Variants in ELAPOR1 observed in about 807,000 individuals in gnomAD.
ELAPOR1 encodes endosome/lysosome-associated apoptosis and autophagy regulator 1.
In ELAPOR1, 77 loss-of-function variants were observed where a neutral mutation model predicts 119.7. That is an observed-to-expected ratio of 0.64 (90% confidence interval 0.54 to 0.78). The LOEUF (loss-of-function observed/expected upper bound fraction) is 0.78, where lower values mean the gene tolerates loss of function less well. Among genes scored for constraint, ELAPOR1 ranks in the 30% least tolerant of loss-of-function variants. The probability of loss-of-function intolerance (pLI) is 0.00; values close to 1 mark genes in which losing one functional copy is unlikely to be tolerated. For synonymous variants in ELAPOR1, 481 were observed against 487.2 expected, an observed-to-expected ratio of 0.99 and a Z score of 0.17; for missense variants, 1,115 against 1,270.4, an observed-to-expected ratio of 0.88 and a Z score of 1.86.
chr1:109,181,218 A>G (rs1652674980), intron 7 of ELAPOR1, among the ~76,000 whole-genome samples: 1 of 152,220 alleles, frequency 6.6e-6, no homozygotes, highest in Non-Finnish European at 1.5e-5. Context: ...TTACTTTGAT[A>G]AAACAGATCC....
In ELAPOR1 at chr1:109,178,891, G is replaced by A. The variant is rs182669928; in HGVS notation, c.952+5054G>A. On this transcript the variant is annotated intron_variant, in intron 7 of 21. Transcript: ENST00000369939. ...GAGGCAGAAGAATCACTTGAACCTG[G>A]GAGGTGGAGGCTGCAGTGAACCAAG... Among the ~76,000 whole-genome samples the A allele has an allele frequency of 5.1e-3, 777 of 152,026 alleles. 8 individuals carry two copies. The highest frequency in any genetic ancestry group is 0.018 in the African/African-American group (744 of 41,412).
At chr1:109,165,268 A>G (rs1452154312) in intron 3 of ELAPOR1, among the ~76,000 whole-genome samples, 3 of 152,058 alleles carry the variant, frequency 2.0e-5, no homozygotes, top group Non-Finnish European at 4.4e-5. Flanking sequence ...CCCCTGGATA[A>G]CAGAGCAAGA....
At chr1:109,168,924 C>T (rs1651758992) in intron 3 of ELAPOR1, among the ~76,000 whole-genome samples, 4 of 152,012 alleles carry the variant, frequency 2.6e-5, no homozygotes, top group Admixed American at 6.6e-5. Context: ...ATGTCTTCAC[C>T]GGGGGCAATT....
chr1:109,171,995 C>G lies in ELAPOR1; in HGVS notation c.597C>G (p.Ser199Arg). 6.2e-7 allele frequency: 1 copy of G among 1,614,216 alleles called. No homozygotes were observed. The highest frequency in any genetic ancestry group is 8.5e-7 in the Non-Finnish European group (1 of 1,180,034). Reference protein sequence around the residue: ...VNFEYYYPDSSIIFEFFVQND... With the variant: ...VNFEYYYPDSRIIFEFFVQND... ...TCGAATACTACTATCCAGACTCCAG[C>G]ATCATCTTTGAGTTTTTCGTAAGCC... Residue 199 changes from serine to arginine, a missense_variant, in exon 4 of 22, where the codon AGC becomes AGG. Transcript: ENST00000369939.
At chr1:109,144,743 A>G (rs1161823870) in intron 1 of ELAPOR1, among the ~76,000 whole-genome samples, 2 of 152,222 alleles carry the variant, frequency 1.3e-5, no homozygotes, top group Admixed American at 6.5e-5. Flanking sequence ...ACTCCATCTC[A>G]ATAAAAAAAA....
chr1:109,175,593 G>A (rs1477458651), intron 7 of ELAPOR1, among the ~76,000 whole-genome samples: 25 of 150,240 alleles, frequency 1.7e-4, no homozygotes, highest in African/African-American at 5.8e-4. Flanking sequence ...TTGGGAGGCC[G>A]AGGCAGGCAG....
intron 1 of ELAPOR1, among the ~76,000 whole-genome samples, chr1:109,153,459 T>G (rs1009056818): frequency 1.3e-5 from 2 of 152,196 alleles, no homozygotes; most frequent in African/African-American, 4.8e-5. Flanking sequence ...GGGAAAGTGC[T>G]TTTGACCTAA....
At chr1:109,194,971 G>A (rs536902398) in intron 15 of ELAPOR1, among the ~76,000 whole-genome samples, 28 of 152,160 alleles carry the variant, frequency 1.8e-4, no homozygotes, top group Admixed American at 5.9e-4. Flanking sequence ...TTAGCTGGGC[G>A]TGGTGGTGCA....
chr1:109,125,436 G>T (rs771299445), intron 1 of ELAPOR1, among the ~76,000 whole-genome samples: 1 of 150,138 alleles, frequency 6.7e-6, no homozygotes, highest in African/African-American at 2.5e-5. Context: ...TTGCTCCGTC[G>T]CCAGGCTGTA....
chr1:109,151,872 C>CTTT (rs550341597), intron 1 of ELAPOR1, among the ~76,000 whole-genome samples: 2 of 121,164 alleles, frequency 1.7e-5, no homozygotes, highest in African/African-American at 6.1e-5. Flanking sequence ...CAGCCTCATC[C>CTTT]TTTTTTTTTT....
chr1:109,175,051 G>A (rs573911894), intron 7 of ELAPOR1, among the ~76,000 whole-genome samples: 9 of 151,750 alleles, frequency 5.9e-5, no homozygotes, highest in African/African-American at 1.7e-4. Flanking sequence ...GTAGAAACAC[G>A]GTCTCACTGT....
At chr1:109,185,216 G>A in intron 8 of ELAPOR1, 83 bp downstream of exon 8, 1 of 1,064,170 alleles carries the variant, frequency 9.4e-7, no homozygotes, top group East Asian at 2.4e-5. Flanking sequence ...TGGAACTTCA[G>A]CAGTCAATGA....
At chr1:109,139,301 A>G (rs1649682080) in intron 1 of ELAPOR1, among the ~76,000 whole-genome samples, 1 of 152,192 alleles carries the variant, frequency 6.6e-6, no homozygotes, top group African/African-American at 2.4e-5. Flanking sequence ...TGATCACACC[A>G]CTGCACTCCA....
chr1:109,191,309 C>A (rs866617091), intron 11 of ELAPOR1, 57 bp from the exon 12 acceptor site: 8 of 1,204,298 alleles, frequency 6.6e-6, no homozygotes, highest in Admixed American at 1.7e-5. Flanking sequence ...GTTGTCTGGG[C>A]TCTTCAATAA....
intron 1 of ELAPOR1, among the ~76,000 whole-genome samples, chr1:109,154,525 C>G (rs1252185872): frequency 2.0e-5 from 3 of 152,128 alleles, no homozygotes; most frequent in Non-Finnish European, 4.4e-5. Context: ...ACCACTAGCC[C>G]TCGTATCCCC....
intron 1 of ELAPOR1, among the ~76,000 whole-genome samples, chr1:109,144,614 TGC>T (rs1206448896): frequency 1.3e-5 from 2 of 152,010 alleles, no homozygotes; most frequent in Non-Finnish European, 2.9e-5. Context: ...TGGCGGCATA[TGC>T]CAGTAATCCC....
At chr1:109,122,409 A>G (rs917656811) in intron 1 of ELAPOR1, among the ~76,000 whole-genome samples, 6 of 150,616 alleles carry the variant, frequency 4.0e-5, no homozygotes, top group Non-Finnish European at 1.5e-5. Flanking sequence ...CGGTAATCCC[A>G]GTACTTTGGG....
In ELAPOR1 at chr1:109,144,061, A is replaced by ATATATATTTTTTTTTTTTT; in HGVS notation, c.154-17832_154-17831insATATATTTTTTTTTTTTTT. Among the ~76,000 whole-genome samples, 7 of 88,988 alleles carry ATATATATTTTTTTTTTTTT rather than the reference A, an allele frequency of 7.9e-5. 1 individual carries two copies. Among genetic ancestry groups the ATATATATTTTTTTTTTTTT allele is most frequent in the Admixed American group, 2.6e-4 (2 of 7,816 alleles). 58.4% of individuals were successfully genotyped at this position (88,988 alleles called of 152,430 possible). On this transcript the variant is annotated intron_variant, in intron 1 of 21. Transcript: ENST00000369939. ...TATATATATATATATATATTTATAT[A>ATATATATTTTTTTTTTTTT]TTTTTTTTTTTTTTTGAGATGGAGT...
chr1:109,181,278 G>C (rs1652679863), intron 7 of ELAPOR1, among the ~76,000 whole-genome samples: 1 of 152,112 alleles, frequency 6.6e-6, no homozygotes, highest in Non-Finnish European at 1.5e-5. Flanking sequence ...AAAGGAGGAG[G>C]CAGGTGCAGA....
Sources: gnomAD v4.1 joint callset for allele counts (sites outside exome capture counted in the v4.1 genomes callset) on GRCh38, gnomAD v4.1.1 for gene constraint, MANE v1.5 for transcripts, NCBI Gene and HGNC (gene_info 2026-07-23, HGNC 2026-07-21) for gene names.